PKHD1: variants seen among roughly 807,000 people sequenced by gnomAD.
PKHD1 encodes the protein fibrocystin.
In PKHD1, 291 loss-of-function variants were observed where a neutral mutation model predicts 412.0. The ratio of observed to expected loss-of-function variants is 0.71; its 90% confidence interval spans 0.64 to 0.78. The LOEUF (loss-of-function observed/expected upper bound fraction) is 0.78, where lower values mean the gene tolerates loss of function less well. Among genes scored for constraint, PKHD1 ranks in the 30% least tolerant of loss-of-function variants. PKHD1 has a pLI of 0.00. For synonymous variants in PKHD1, 1,777 were observed against 1,821.5 expected, an observed-to-expected ratio of 0.98 and a Z score of 0.62; for missense variants, 4,825 against 4,950.7, an observed-to-expected ratio of 0.97 and a Z score of 0.76.
chr6:51,771,215 C>A (rs573211212), intron 55 of PKHD1, among the ~76,000 whole-genome samples: 1 of 151,726 alleles, frequency 6.6e-6, no homozygotes, highest in South Asian at 2.1e-4. Flanking sequence ...CACACACACA[C>A]ACACACACAT....
At chr6:51,958,732 T>G (rs753377933) in intron 36 of PKHD1, among the ~76,000 whole-genome samples, 1 of 152,024 alleles carries the variant, frequency 6.6e-6, no homozygotes, top group Non-Finnish European at 1.5e-5. Context: ...AAATGAGGCT[T>G]TAGGTCTGTA....
intron 50 of PKHD1, among the ~76,000 whole-genome samples, chr6:51,839,266 G>T (rs1346444336): frequency 6.6e-6 from 1 of 152,162 alleles, no homozygotes; most frequent in Admixed American, 6.6e-5. Flanking sequence ...CTGTGATATT[G>T]TACATATGTT....
chr6:51,765,568 C>T (rs1788853797), intron 55 of PKHD1, among the ~76,000 whole-genome samples: 1 of 152,088 alleles, frequency 6.6e-6, no homozygotes, highest in Admixed American at 6.6e-5. Context: ...TCAAATTTCT[C>T]ATCCTCAAAG....
intron 60 of PKHD1, among the ~76,000 whole-genome samples, chr6:51,727,077 G>A (rs1297507632): frequency 6.6e-6 from 1 of 152,184 alleles, no homozygotes; most frequent in South Asian, 2.1e-4. Context: ...GCAAGTCAGG[G>A]AATGCAGGCA....
intron 28 of PKHD1, among the ~76,000 whole-genome samples, chr6:52,034,582 G>A (rs907928840): frequency 7.2e-5 from 11 of 152,122 alleles, no homozygotes; most frequent in African/African-American, 2.7e-4. Flanking sequence ...GATGGTGGGA[G>A]TATAATTTGA....
chr6:51,665,048 T>C (rs1183339645), intron 60 of PKHD1, among the ~76,000 whole-genome samples: 1 of 152,150 alleles, frequency 6.6e-6, no homozygotes, highest in African/African-American at 2.4e-5. Context: ...GAATAAAGAA[T>C]ATTTAAATTA....
At chr6:52,018,040 G>A (rs1800814947) in intron 33 of PKHD1, among the ~76,000 whole-genome samples, 1 of 152,094 alleles carries the variant, frequency 6.6e-6, no homozygotes, top group South Asian at 2.1e-4. Context: ...TATAAAATAT[G>A]ATACATGATA....
chr6:51,994,142 T>C (rs1332785445), intron 35 of PKHD1, among the ~76,000 whole-genome samples: 3 of 151,442 alleles, frequency 2.0e-5, no homozygotes, highest in African/African-American at 7.3e-5. Flanking sequence ...TTCTTTCTTT[T>C]TTTTTTTTTT....
chr6:51,864,096 G>T (rs896777115), intron 48 of PKHD1, among the ~76,000 whole-genome samples: 4 of 152,122 alleles, frequency 2.6e-5, no homozygotes, highest in Non-Finnish European at 5.9e-5. Context: ...CAGAGAAAAC[G>T]ACCTCTATGC....
Position 51,904,038 on chromosome 6 carries a change from T to C in PKHD1, c.6813A>G (p.Thr2271=), listed in dbSNP as rs1562582535. The C allele has an allele frequency of 6.3e-7, 1 of 1,591,272 alleles. No individual in the cohort carries two copies. The highest frequency in any genetic ancestry group is 8.6e-7 in the Non-Finnish European group (1 of 1,159,478). ...AGGAGATATATCTCATCTCCGTGCA[T>C]GTCCCTGAGAACAAAAGACCCCATT... is the stretch of plus-strand genomic sequence containing the variant. ...NILGHALLVG[T]CTEMRYISWE... The change falls in exon 42 of 67, where the codon ACA becomes ACG. Residue 2271 remains threonine (T), a synonymous_variant. Transcript: ENST00000371117.
chr6:52,024,589 C>T lies in PKHD1; in HGVS notation c.5221G>A (p.Val1741Met), dbSNP rs137852946. ...CTTGACTTACCGAAGTTCTCCGTCA[C>T]TGCTGTAATAATAACTCTTGAGGTG... ...VFTSRVIITA[V>M]TENFGCLGGR... The change falls in exon 32 of 67, where the codon GTG becomes ATG. Residue 1741 changes from valine to methionine, a missense_variant. Physicochemically the swap from Val to Met is conservative, Grantham distance 21 (BLOSUM62 1). Coordinates refer to ENST00000371117, the MANE Select transcript of PKHD1 (RefSeq NM_138694.4). The T allele has an allele frequency of 3.7e-5, 59 of 1,613,994 alleles. No individual in the cohort carries two copies. The highest frequency in any genetic ancestry group is 4.7e-5 in the Non-Finnish European group (56 of 1,180,016).
intron 55 of PKHD1, among the ~76,000 whole-genome samples, chr6:51,769,308 T>A (rs1789655434): frequency 6.6e-6 from 1 of 151,540 alleles, no homozygotes. Flanking sequence ...GATAAATCTT[T>A]GATAAATTTA....
Position 52,044,947 on chromosome 6 carries a change from G to A in PKHD1, c.2715+19C>T. The stretch of plus-strand genomic sequence containing the variant: ...CTTGAAACTGGAGCTTGCACTTAGG[G>A]TGGCCCATTCACTCTCACCTGAGTA... On this transcript the variant is annotated intron_variant, in intron 25 of 66. Coordinates refer to ENST00000371117, the MANE Select transcript of PKHD1 (RefSeq NM_138694.4). The A allele has an allele frequency of 6.2e-7, 1 of 1,613,042 alleles. No homozygotes were observed. The highest frequency in any genetic ancestry group is 8.5e-7 in the Non-Finnish European group (1 of 1,179,184).
intron 53 of PKHD1, among the ~76,000 whole-genome samples, chr6:51,790,956 C>A (rs1793638676): frequency 6.6e-6 from 1 of 152,152 alleles, no homozygotes; most frequent in Admixed American, 6.5e-5. Context: ...AAGAATTGAT[C>A]TGTAGCCTGG....
intron 64 of PKHD1, among the ~76,000 whole-genome samples, chr6:51,634,135 A>T (rs1278410893): frequency 6.6e-6 from 1 of 152,194 alleles, no homozygotes; most frequent in Non-Finnish European, 1.5e-5. Context: ...CAAACAAGCA[A>T]ACTTCAAACT....
At chr6:52,082,571 G>A in intron 3 of PKHD1, 29 bp from the exon 4 acceptor site, 1 of 1,611,386 alleles carries the variant, frequency 6.2e-7, no homozygotes, top group Non-Finnish European at 8.5e-7. Flanking sequence ...ATCTCAGGCT[G>A]CATAGAATTG....
chr6:51,978,197 C>T (rs1339480004), intron 35 of PKHD1, among the ~76,000 whole-genome samples: 1 of 152,168 alleles, frequency 6.6e-6, no homozygotes, highest in African/African-American at 2.4e-5. Context: ...CCATTCCCCA[C>T]CCCACCCCAC....
At chr6:51,679,008 T>G (rs1776258220) in intron 60 of PKHD1, among the ~76,000 whole-genome samples, 1 of 152,072 alleles carries the variant, frequency 6.6e-6, no homozygotes, top group African/African-American at 2.4e-5. Flanking sequence ...CAGCAGTAAT[T>G]TCTGCTGGGT....
intron 36 of PKHD1, among the ~76,000 whole-genome samples, chr6:51,959,609 A>G (rs1791688433): frequency 6.6e-6 from 1 of 152,096 alleles, no homozygotes; most frequent in African/African-American, 2.4e-5. Context: ...AAAGAAGCAT[A>G]TTCTTTGAGA....
Sources: allele counts gnomAD v4.1 joint callset (sites outside exome capture counted in the v4.1 genomes callset), GRCh38; gene constraint gnomAD v4.1.1; transcripts MANE v1.5; gene names NCBI Gene and HGNC (gene_info 2026-07-23, HGNC 2026-07-21).